Variants in CNGA3 observed in about 807,000 individuals in gnomAD.
CNGA3 encodes the protein cyclic nucleotide gated channel subunit alpha 3, also known as cyclic nucleotide-gated channel alpha-3.
Under a neutral mutation model 46.6 loss-of-function variants are expected in CNGA3, and 42 were observed. That is an observed-to-expected ratio of 0.90 (90% CI 0.70 to 1.17). The LOEUF is 1.17. Ranked by LOEUF, CNGA3 falls within the 50% of genes most tolerant of loss-of-function variation. The pLI, the probability that CNGA3 is intolerant of heterozygous loss-of-function variation, is 0.00. For synonymous variants in CNGA3, 394 were observed against 369.4 expected (o/e 1.07, Z -0.76); for missense variants, 893 against 890.7 (o/e 1.00, Z -0.03).
chr2:98,393,151 A>AG (rs1692830964), intron 7 of CNGA3, among the ~76,000 whole-genome samples: 1 of 152,038 alleles, frequency 6.6e-6, no homozygotes, highest in South Asian at 2.1e-4. Context: ...CAGGAGGCTG[A>AG]GGTGAGAGGA....
chr2:98,385,022 T>C (rs1055261405), intron 5 of CNGA3, among the ~76,000 whole-genome samples: 1 of 152,234 alleles, frequency 6.6e-6, no homozygotes, highest in Non-Finnish European at 1.5e-5. Flanking sequence ...CCCATCAAAC[T>C]GTTCCCAGCC....
chr2:98,355,323 T>C (rs928261191), intron 1 of CNGA3, among the ~76,000 whole-genome samples: 2 of 152,200 alleles, frequency 1.3e-5, no homozygotes, highest in African/African-American at 4.8e-5. Context: ...AATATTAACA[T>C]TATATAGTTT....
chr2:98,371,551 A>G (rs1191462222), intron 2 of CNGA3, among the ~76,000 whole-genome samples: 1 of 152,162 alleles, frequency 6.6e-6, no homozygotes, highest in Non-Finnish European at 1.5e-5. Context: ...CCCAACAGAT[A>G]TTTATTTCCT....
At chr2:98,390,839 T>G (rs1692768369) in intron 6 of CNGA3, among the ~76,000 whole-genome samples, 1 of 152,116 alleles carries the variant, frequency 6.6e-6, no homozygotes, top group African/African-American at 2.4e-5. Context: ...CGGGAGGGCT[T>G]AGGGGACTTC....
intron 1 of CNGA3, 132 bp downstream of exon 1, chr2:98,346,666 G>T (rs943568670): frequency 1.8e-5 from 7 of 390,398 alleles, no homozygotes; most frequent in Admixed American, 1.3e-4. Flanking sequence ...GCTTCCAGGG[G>T]CGGGCGCGGC....
At chr2:98,366,452 GA>G (rs1210834191) in intron 1 of CNGA3, among the ~76,000 whole-genome samples, 1 of 152,156 alleles carries the variant, frequency 6.6e-6, no homozygotes, top group Non-Finnish European at 1.5e-5. Context: ...ACTTGCGGGG[GA>G]TCCCACTCAT....
chr2:98,396,079 T>G lies in CNGA3; in HGVS notation c.909T>G (p.Ile303Met). ...CCAACTACCCCAATATGTTCAGGAT[T>G]GGGAACTTGGTCTTGTACATTCTCA... ...TRTNYPNMFRIGNLVLYILII... is the reference protein window; with the variant it reads ...TRTNYPNMFRMGNLVLYILII... The change falls in exon 8 of 8, where the codon ATT (isoleucine) becomes ATG (methionine). Residue 303 changes from isoleucine (I) to methionine (M), a missense_variant. Ile to Met is a conservative substitution (Grantham distance 10, BLOSUM62 1). Around this residue, in one of 3 missense-constraint regions of CNGA3, gnomAD observed 548 missense variants for 570.8 expected, o/e 0.96. Coordinates refer to ENST00000272602, the MANE Select transcript of CNGA3 (RefSeq NM_001298.3). 1 of 1,614,246 alleles carries G rather than the reference T, an allele frequency of 6.2e-7. No homozygotes were observed. Among genetic ancestry groups the G allele is most frequent in the Non-Finnish European group, 8.5e-7 (1 of 1,180,050 alleles).
chr2:98,370,139 C>A (rs1692253639), intron 2 of CNGA3, 63 bp downstream of exon 2: 2 of 1,334,408 alleles, frequency 1.5e-6, no homozygotes, highest in South Asian at 1.2e-5. Flanking sequence ...CACAGCTGAT[C>A]TAGACTGTGG....
intron 1 of CNGA3, among the ~76,000 whole-genome samples, chr2:98,353,085 T>C (rs966282493): frequency 1.1e-4 from 16 of 152,232 alleles, no homozygotes; most frequent in African/African-American, 3.9e-4. Flanking sequence ...TATTACAGGC[T>C]GTATTCTTAC....
chr2:98,385,027 C>T (rs1692620882), intron 5 of CNGA3, among the ~76,000 whole-genome samples: 1 of 152,190 alleles, frequency 6.6e-6, no homozygotes, highest in Non-Finnish European at 1.5e-5. Flanking sequence ...CAAACTGTTC[C>T]CAGCCAAAAC....
intron 3 of CNGA3, chr2:98,378,007 G>A (rs1001483852): frequency 4.6e-6 from 7 of 1,531,320 alleles, no homozygotes; most frequent in Non-Finnish European, 6.2e-6. Context: ...AAGGAAAACT[G>A]CCTTTATCTG....
chr2:98,366,936 C>T (rs1201946870), intron 1 of CNGA3, among the ~76,000 whole-genome samples: 2 of 152,128 alleles, frequency 1.3e-5, no homozygotes, highest in Admixed American at 6.5e-5. Flanking sequence ...ATGGAAAAAG[C>T]GTGGTTTCCT....
At position 98,382,441 on chromosome 2, in the gene CNGA3, A is replaced by G. The variant is rs141549235; in HGVS notation, c.396-947A>G. 2.9e-3 allele frequency among the ~76,000 whole-genome samples: 446 copies of G among 152,300 alleles called. 3 individuals are homozygous for G. The highest frequency in any genetic ancestry group is 0.01 in the African/African-American group (419 of 41,566). ...AATCTAGAAACAAGCGGTTATGGCC[A>G]TATCTTAGACGGAGAGAGGGAGATT... On this transcript the variant is annotated intron_variant, in intron 4 of 7. Transcript: ENST00000272602.
At position 98,396,626 on chromosome 2, in the gene CNGA3, T is replaced by A; in HGVS notation, c.1456T>A (p.Cys486Ser). Reference sequence around the variant, plus strand: ...GAAGAAGGTTCGCATCTTCCAGGACTGTGAGGCAGGGCTGCTGGTGGAGCT... The same window carrying A: ...GAAGAAGGTTCGCATCTTCCAGGACAGTGAGGCAGGGCTGCTGGTGGAGCT... ...TLKKVRIFQD[C>S]EAGLLVELVL... The change falls in exon 8 of 8, where the codon TGT becomes AGT. Residue 486 changes from cysteine (C) to serine (S), a missense_variant. By Grantham distance (112) the Cys-to-Ser change is moderately radical (BLOSUM62 -1). Coordinates refer to ENST00000272602, the MANE Select transcript of CNGA3 (RefSeq NM_001298.3). 6.2e-7 allele frequency: 1 copy of A among 1,614,072 alleles called. No individual in the cohort carries two copies.
In CNGA3 at chr2:98,397,040, A is replaced by G; in HGVS notation, c.1870A>G (p.Lys624Glu). ...GCTGGCCAGGGCGGGCGCGGACCCC[A>G]AGGACCTTGAGGAGAAAGTGGAGCA... ...EELARAGADPKDLEEKVEQLG... is the reference protein window; with the variant it reads ...EELARAGADPEDLEEKVEQLG... Residue 624 changes from lysine (K) to glutamate (E), a missense_variant, in exon 8 of 8, where the codon AAG becomes GAG. By Grantham distance (56) the Lys-to-Glu change is moderately conservative. This residue lies in a region of CNGA3 where 548 missense variants were observed against 570.8 expected (regional missense o/e 0.96). Transcript: ENST00000272602. 12 of 1,614,080 alleles carry G rather than the reference A, an allele frequency of 7.4e-6. No homozygotes were observed. Among genetic ancestry groups the G allele is most frequent in the Non-Finnish European group, 9.3e-6 (11 of 1,179,988 alleles).
rs779961769 is a variant in CNGA3, at chr2:98,396,019, G to A, written c.849G>A (p.Arg283=). Reference sequence around the variant, plus strand: ...TCAACCGCCTACTGAAGTTTTCCCGGCTCTTTGAATTCTTTGACCGCACAG... The same window carrying A: ...TCAACCGCCTACTGAAGTTTTCCCGACTCTTTGAATTCTTTGACCGCACAG... ...VRFNRLLKFS[R]LFEFFDRTET... is the part of the protein sequence containing the mutation. Residue 283 remains arginine (R), a synonymous_variant, in exon 8 of 8, where the codon CGG becomes CGA. Transcript: ENST00000272602. 1.2e-6 allele frequency: 2 copies of A among 1,614,170 alleles called. No homozygotes were observed.
At position 98,377,811 on chromosome 2, in the gene CNGA3, A is replaced by G. The variant is rs199755395; in HGVS notation, c.215+11A>G. The G allele has an allele frequency of 8.5e-4, 1,364 of 1,606,036 alleles. 17 individuals carry two copies. In the African/African-American group the frequency reaches 0.016, roughly 19 times the overall value. On this transcript the variant is annotated intron_variant, in intron 3 of 7. Coordinates refer to ENST00000272602, the MANE Select transcript of CNGA3 (RefSeq NM_001298.3). ...CCAGGGGATCGCCAGGTAACTGACC[A>G]GCCTCAGTCCCTACCTTGGCCTGGG... is the stretch of plus-strand genomic sequence containing the variant.
chr2:98,383,446 G>A lies in CNGA3; in HGVS notation c.449+5G>A. 3 of 1,614,172 alleles carry A rather than the reference G, an allele frequency of 1.9e-6. No homozygotes were observed. Among genetic ancestry groups the A allele is most frequent in the South Asian group, 1.1e-5 (1 of 91,078 alleles). ...CAGCAACAACACGGAGGAGGAGTAA[G>A]TACCCACACACCCAGCAGAGCCCTC... On this transcript the variant is annotated splice_donor_5th_base_variant and intron_variant, in intron 5 of 7. Transcript: ENST00000272602.
At chr2:98,357,565 A>G (rs1173149916) in intron 1 of CNGA3, among the ~76,000 whole-genome samples, 2 of 152,120 alleles carry the variant, frequency 1.3e-5, no homozygotes, top group East Asian at 3.9e-4. Flanking sequence ...TGTGCTCTCA[A>G]TGGCAGAGAT....
Sources: gnomAD v4.1 joint callset for allele counts (sites outside exome capture counted in the v4.1 genomes callset) on GRCh38, gnomAD v4.1.1 for gene constraint, gnomAD v4.1.1 regional missense constraint, MANE v1.5 for transcripts, NCBI Gene and HGNC (gene_info 2026-07-23, HGNC 2026-07-21) for gene names.